The following MYBPC3 variants were observed in gnomAD, a reference collection of about 807,000 sequenced individuals.
MYBPC3 encodes the protein myosin binding protein C3.
Under a neutral mutation model 159.3 loss-of-function variants are expected in MYBPC3, and 108 were observed. The observed-to-expected ratio is 0.68, with a 90% CI of 0.58 to 0.80. The LOEUF (loss-of-function observed/expected upper bound fraction) is 0.80, where lower values mean the gene tolerates loss of function less well. Among genes scored for constraint, MYBPC3 ranks in the 30% least tolerant of loss-of-function variants. MYBPC3 has a pLI of 0.00. For synonymous variants in MYBPC3, 730 were observed against 702.0 expected (o/e 1.04, Z -0.63); for missense variants, 1,631 against 1,762.1 (o/e 0.93, Z 1.33).
intron 20 of MYBPC3, among the ~76,000 whole-genome samples, chr11:47,340,170 C>A (rs1484396581): frequency 2.0e-5 from 3 of 151,498 alleles, no homozygotes; most frequent in Non-Finnish European, 2.9e-5. Context: ...CATACACATA[C>A]ACACATGCAC....
rs727504396 is a variant in MYBPC3, at chr11:47,348,483, C to A, written c.713G>T (p.Arg238Leu). 6.2e-7 allele frequency: 1 copy of A among 1,613,434 alleles called. No individual in the cohort carries two copies. Among genetic ancestry groups the A allele is most frequent in the East Asian group, 2.2e-5 (1 of 44,838 alleles). Residue 238 changes from arginine (R) to leucine (L), a missense_variant, in exon 6 of 35, where the codon CGC (arginine) becomes CTC (leucine). Arg to Leu is a moderately radical substitution (Grantham distance 102). Transcript: ENST00000545968. ...TTTGTCCTTGGTGGACACCTCACAG[C>A]GGTAGCTGCCAGTGAAGGCAGGCTG... Reference protein sequence around the residue: ...DAQPAFTGSYRCEVSTKDKFD... With the variant: ...DAQPAFTGSYLCEVSTKDKFD...
In MYBPC3 at chr11:47,333,365, G is replaced by A. The variant is rs749682847; in HGVS notation, c.3191-32C>T. On this transcript the variant is annotated intron_variant, in intron 29 of 34. Coordinates refer to ENST00000545968, the MANE Select transcript of MYBPC3 (RefSeq NM_000256.3). The stretch of plus-strand genomic sequence containing the variant: ...GAGACAGACCCAGTTGGGTCACCAC[G>A]CCTCCTGACAGTGAGCAGGGGGTCA... 6.5e-5 allele frequency: 99 copies of A among 1,531,032 alleles called. 1 individual carries two copies. Among genetic ancestry groups the A allele is most frequent in the South Asian group, 4.8e-4 (39 of 81,372 alleles). 94.8% of individuals were successfully genotyped at this position (1,531,032 alleles called of 1,614,324 possible).
At position 47,338,642 on chromosome 11, in the gene MYBPC3, G is replaced by T. The variant is rs2095885087; in HGVS notation, c.2186C>A (p.Thr729Asn). Residue 729 changes from threonine to asparagine, a missense_variant, in exon 23 of 35, where the codon ACC becomes AAC. Physicochemically the swap from Thr to Asn is moderately conservative, Grantham distance 65 (BLOSUM62 0). Coordinates refer to ENST00000545968, the MANE Select transcript of MYBPC3 (RefSeq NM_000256.3). The surrounding 1 kb of genome is among the most constrained non-coding windows in gnomAD (Gnocchi z 4.7). ...CETEGRVRVE[T>N]TKDRSIFTVE... ...CGTGAAGATGCTGCGGTCCTTGGTG[G>T]TCTCCACGCGGACCCGGCCCTCGGT... 2 of 1,613,688 alleles carry T rather than the reference G, an allele frequency of 1.2e-6. No individual in the cohort carries two copies. Among genetic ancestry groups the T allele is most frequent in the South Asian group, 2.2e-5 (2 of 91,050 alleles).
chr11:47,351,174 G>A lies in MYBPC3; in HGVS notation c.292+65C>T. On this transcript the variant is annotated intron_variant, in intron 2 of 34. Coordinates refer to ENST00000545968, the MANE Select transcript of MYBPC3 (RefSeq NM_000256.3). The surrounding 1 kb of genome is among the most constrained non-coding windows in gnomAD (Gnocchi z 4.2). ...GCACCTCCTGTTCCCTGGATGGATG[G>A]AGAGTCGCTGGGCTGCCCCTCCCCC... 1 of 1,441,934 alleles carries A rather than the reference G, an allele frequency of 6.9e-7. No individual in the cohort carries two copies. The highest frequency in any genetic ancestry group is 1.5e-5 in the South Asian group (1 of 68,336). 89.3% of individuals were successfully genotyped at this position (1,441,934 alleles called of 1,614,324 possible). A position where few individuals can be genotyped will look rare whatever the true frequency, so the allele number is the denominator to read the frequency against.
chr11:47,347,099 A>G lies in MYBPC3; in HGVS notation c.906-70T>C, dbSNP rs1346774242. The G allele has an allele frequency of 1.1e-5, 11 of 1,004,654 alleles. No individual in the cohort carries two copies. The African/African-American group carries it at 1.4e-4, about 13-fold the overall frequency. The allele number at this position is 1,004,654 out of a possible 1,614,324, so 62.2% of individuals were successfully genotyped here. On this transcript the variant is annotated intron_variant, in intron 9 of 34. Coordinates refer to ENST00000545968, the MANE Select transcript of MYBPC3 (RefSeq NM_000256.3). The stretch of plus-strand genomic sequence containing the variant: ...GGGAGAGAGAGGGCAGAGAGAACAT[A>G]AGTCAGTTGGGCCGACCTGGTAGAC...
rs200162906 is a variant in MYBPC3 at position 47,332,187 on chromosome 11, C to T, written c.3699G>A (p.Gln1233=). 3.1e-4 allele frequency: 500 copies of T among 1,613,896 alleles called. 8 individuals carry two copies. In the Admixed American group the frequency reaches 7.4e-3, roughly 24 times the overall value. Residue 1233 remains glutamine, a synonymous_variant, in exon 33 of 35, where the codon CAG becomes CAA. Transcript: ENST00000545968. This position sits in a 1 kb window ranked among gnomAD's most constrained non-coding sequence, Gnocchi z 4.2. ...EDARFRMFSK[Q]GVLTLEIRKP... ...TTCTAATCTCCAGAGTCAACACTCCCTGCTTGCTGAACATGCGGAAGCGGG... is the reference window on the plus strand; with the variant it reads ...TTCTAATCTCCAGAGTCAACACTCCTTGCTTGCTGAACATGCGGAAGCGGG...
rs727504269 is a variant in MYBPC3, at chr11:47,346,206, C to T, written c.1090+1G>A. On this transcript the variant is annotated splice_donor_variant, in intron 12 of 34. Coordinates refer to ENST00000545968, the MANE Select transcript of MYBPC3 (RefSeq NM_000256.3). LOFTEE classifies it high-confidence loss of function. The surrounding 1 kb of genome is among the most constrained non-coding windows in gnomAD (Gnocchi z 5.3). ...CCTCTCCCCTCTGAGGAAGGGCTAA[C>T]CTGTGCTCTTCTTCTCATCGCGCCT... 6.2e-7 allele frequency: 1 copy of T among 1,613,746 alleles called. No homozygotes were observed. Among genetic ancestry groups the T allele is most frequent in the Non-Finnish European group, 8.5e-7 (1 of 1,179,804 alleles).
rs397515941 is a variant in MYBPC3, at chr11:47,339,742, A to G, written c.1976T>C (p.Ile659Thr). ...TAGCTTATTTCCAGCTACAACCACA[A>G]TGGTGTCTGGTATGCGGCCTGGGCA... is the stretch of plus-strand genomic sequence containing the variant. The part of the protein sequence containing the change: ...LDCPGRIPDT[I>T]VVVAGNKLRL... Residue 659 changes from isoleucine (I) to threonine (T), a missense_variant, in exon 21 of 35, where the codon ATT (isoleucine) becomes ACT (threonine). Transcript: ENST00000545968. The G allele has an allele frequency of 9.3e-6, 15 of 1,613,560 alleles. No individual in the cohort carries two copies. The highest frequency in any genetic ancestry group is 2.2e-5 in the East Asian group (1 of 44,888).
intron 27 of MYBPC3, 86 bp downstream of exon 27, chr11:47,334,956 C>T: frequency 7.4e-7 from 1 of 1,359,070 alleles, no homozygotes; most frequent in Non-Finnish European, 9.6e-7. Flanking sequence ...GCATTCTGGG[C>T]CTCCCCAACT....
chr11:47,341,213 G>A lies in MYBPC3; in HGVS notation c.1822C>T (p.Pro608Ser), dbSNP rs730880552. The A allele has an allele frequency of 3.3e-5, 52 of 1,596,458 alleles. 2 individuals carry two copies. The South Asian group carries it at 5.5e-4, about 17-fold the overall frequency. The change falls in exon 19 of 35, where the codon CCT becomes TCT. Residue 608 changes from proline (P) to serine (S), a missense_variant. By Grantham distance (74) the Pro-to-Ser change is moderately conservative. Coordinates refer to ENST00000545968, the MANE Select transcript of MYBPC3 (RefSeq NM_000256.3). ...VHKLTIDDVT[P>S]ADEADYSFVP... ...AAGCTGTAGTCAGCCTCGTCGGCAG[G>A]TGTGACGTCGTCAATGGTCAGTTTG...
chr11:47,342,949 G>A lies in MYBPC3; in HGVS notation c.1352-14C>T, dbSNP rs571087851. ...GCACAGGGGGCTCTGTCCAGGCAGGGTGAGCATGAGGGTTGGCTCCCCTGA... is the reference window on the plus strand; with the variant it reads ...GCACAGGGGGCTCTGTCCAGGCAGGATGAGCATGAGGGTTGGCTCCCCTGA... On this transcript the variant is annotated splice_polypyrimidine_tract_variant and intron_variant, in intron 15 of 34. Transcript: ENST00000545968. The A allele has an allele frequency of 2.5e-6, 4 of 1,611,434 alleles. No individual in the cohort carries two copies. Among genetic ancestry groups the A allele is most frequent in the African/African-American group, 2.7e-5 (2 of 75,014 alleles).
Position 47,351,437 on chromosome 11 carries a change from C to A in MYBPC3, c.94G>T (p.Glu32Ter). 1 of 1,609,010 alleles carries A rather than the reference C, an allele frequency of 6.2e-7. No homozygotes were observed. Among genetic ancestry groups the A allele is most frequent in the East Asian group, 2.2e-5 (1 of 44,728 alleles). ...ACCTTCACTCCTGCCCGCTCTGTCT[C>A]GGCCTCGAACACGGCAGGGCTGCCT... ...AAGSPAVFEA[E>*]TERAGVKVRW... Residue 32 changes from glutamate to a stop codon, truncating the protein, a stop_gained, in exon 2 of 35, where the codon GAG becomes TAG. Coordinates refer to ENST00000545968, the MANE Select transcript of MYBPC3 (RefSeq NM_000256.3). LOFTEE classifies it high-confidence loss of function. This position sits in a 1 kb window ranked among gnomAD's most constrained non-coding sequence, Gnocchi z 4.2.
chr11:47,343,172 A>C, intron 14 of MYBPC3, 27 bp from the exon 15 acceptor site: 2 of 1,605,078 alleles, frequency 1.2e-6, no homozygotes, highest in Non-Finnish European at 1.7e-6. Context: ...GGGAAGTGGC[A>C]GGAAAGCTGC....
intron 22 of MYBPC3, 124 bp downstream of exon 22, chr11:47,339,199 TG>T (rs2095885700): frequency 9.8e-7 from 1 of 1,018,460 alleles, no homozygotes. Flanking sequence ...GGGACCCTGC[TG>T]GGGGCAGCAA....
chr11:47,339,370 G>T lies in MYBPC3; in HGVS notation c.2102C>A (p.Ala701Asp). Residue 701 changes from alanine to aspartate, a missense_variant, in exon 22 of 35, where the codon GCC becomes GAC. Coordinates refer to ENST00000545968, the MANE Select transcript of MYBPC3 (RefSeq NM_000256.3). ...ATCGCTGTCACCTGTGTCCTCTGGG[G>T]CATCTGGGGCTGGCCTGGCTGGGGC... Reference protein sequence around the residue: ...NKAPARPAPDAPEDTGDSDEW... With the variant: ...NKAPARPAPDDPEDTGDSDEW... 6.2e-7 allele frequency: 1 copy of T among 1,614,058 alleles called. No individual in the cohort carries two copies. The highest frequency in any genetic ancestry group is 8.5e-7 in the Non-Finnish European group (1 of 1,179,900).
chr11:47,334,140 C>T (rs2095880116), intron 27 of MYBPC3, 130 bp from the exon 28 acceptor site: 1 of 843,018 alleles, frequency 1.2e-6, no homozygotes, highest in East Asian at 2.7e-5. Flanking sequence ...GGGCCCTGCG[C>T]CTCCTTTAGC....
Position 47,332,279 on chromosome 11 carries a change from G to A in MYBPC3, c.3628-21C>T, listed in dbSNP as rs1047687250. 6 of 1,606,898 alleles carry A rather than the reference G, an allele frequency of 3.7e-6. No homozygotes were observed. The African/African-American group carries it at 6.7e-5, about 18-fold the overall frequency. ...TTGGGCTATAAATAAGGTAAAGAGA[G>A]GGAGGGAAGCCATCCAGGCTGAGAG... is the stretch of plus-strand genomic sequence containing the variant. On this transcript the variant is annotated intron_variant, in intron 32 of 34. Transcript: ENST00000545968. This position sits in a 1 kb window ranked among gnomAD's most constrained non-coding sequence, Gnocchi z 4.2.
chr11:47,332,343 C>G lies in MYBPC3; in HGVS notation c.3628-85G>C. 5 of 1,517,324 alleles carry G rather than the reference C, an allele frequency of 3.3e-6. No individual in the cohort carries two copies. The highest frequency in any genetic ancestry group is 4.6e-6 in the Non-Finnish European group (5 of 1,097,164). 94.0% of individuals were successfully genotyped at this position (1,517,324 alleles called of 1,614,324 possible). On this transcript the variant is annotated intron_variant, in intron 32 of 34. Transcript: ENST00000545968. This position sits in a 1 kb window ranked among gnomAD's most constrained non-coding sequence, Gnocchi z 4.2. ...GACCCAGGGAGACACATCTGTGTTT[C>G]TACTCGGGGGGTCCCACGAGAGTCC...
In MYBPC3 at chr11:47,346,871, G is replaced by A. The variant is rs2095894844; in HGVS notation, c.908+156C>T. Among the ~76,000 whole-genome samples, 1 of 152,092 alleles carries A rather than the reference G, an allele frequency of 6.6e-6. No homozygotes were observed. Among genetic ancestry groups the A allele is most frequent in the Admixed American group, 6.5e-5 (1 of 15,272 alleles). On this transcript the variant is annotated intron_variant, in intron 10 of 34. Coordinates refer to ENST00000545968, the MANE Select transcript of MYBPC3 (RefSeq NM_000256.3). This position sits in a 1 kb window ranked among gnomAD's most constrained non-coding sequence, Gnocchi z 5.3. ...CTAAGCTCTGACAGATAGGTGGGTG[G>A]CAGGAGAAGCCCAAGGCACAGAGAC...
Sources: allele counts gnomAD v4.1 joint callset (sites outside exome capture counted in the v4.1 genomes callset), GRCh38; gene constraint gnomAD v4.1.1; non-coding constraint Gnocchi (gnomAD v3.1); transcripts MANE v1.5; gene names NCBI Gene and HGNC (gene_info 2026-07-23, HGNC 2026-07-21).